AFF3: variants seen among roughly 807,000 people sequenced by gnomAD.
AFF3 encodes the protein ALF transcription elongation factor 3, also known as AF4/FMR2 family member 3.
Under a neutral mutation model 129.7 loss-of-function variants are expected in AFF3, and 32 were observed. The observed-to-expected ratio is 0.25, with a 90% CI of 0.19 to 0.33. The LOEUF (loss-of-function observed/expected upper bound fraction) is 0.33. Among genes scored for constraint, AFF3 ranks in the 10% least tolerant of loss-of-function variants. The pLI, the probability that AFF3 is intolerant of heterozygous loss-of-function variation, is 1.00. For synonymous variants in AFF3, 644 were observed against 635.4 expected (o/e 1.01, Z -0.20); for missense variants, 1,373 against 1,592.0 (o/e 0.86, Z 2.34).
intron 8 of AFF3, among the ~76,000 whole-genome samples, chr2:99,812,503 C>T (rs1686870363): frequency 6.6e-6 from 1 of 152,206 alleles, no homozygotes; most frequent in South Asian, 2.1e-4. Context: ...ACGTACACGG[C>T]ATCGTCCATG....
In AFF3 at chr2:100,007,165, T is replaced by C; in HGVS notation, c.470A>G (p.Asp157Gly). 6.2e-7 allele frequency: 1 copy of C among 1,614,178 alleles called. No homozygotes were observed. Among genetic ancestry groups the C allele is most frequent in the South Asian group, 1.1e-5 (1 of 91,076 alleles). ...GTGCTTACTTGCTCTCTGTTGGCCG[T>C]CAGAGGGTGGGTGCCCAGCCTTCTG... is the stretch of plus-strand genomic sequence containing the variant. The part of the protein sequence containing the change: ...GWQKAGHPPS[D>G]GQQRATQQGS... The change falls in exon 6 of 25, where the codon GAC (aspartate) becomes GGC (glycine). Residue 157 changes from aspartate to glycine, a missense_variant. Physicochemically the swap from Asp to Gly is moderately conservative, Grantham distance 94. Around this residue, in one of 9 missense-constraint regions of AFF3, gnomAD observed 255 missense variants for 256.0 expected, o/e 1.00. Coordinates refer to ENST00000672756, the MANE Select transcript of AFF3 (RefSeq NM_001386135.1).
At chr2:99,867,956 C>G (rs369171425) in intron 7 of AFF3, among the ~76,000 whole-genome samples, 2 of 151,686 alleles carry the variant, frequency 1.3e-5, no homozygotes, top group African/African-American at 4.8e-5. Context: ...GAGAGATTAG[C>G]GTTCCCCCAC....
chr2:100,007,635 C>T, intron 5 of AFF3, 175 bp from the exon 6 acceptor site: 1 of 648,578 alleles, frequency 1.5e-6, no homozygotes, highest in Non-Finnish European at 2.6e-6. Context: ...CTTGGTGATG[C>T]ACCAGAACAG....
intron 7 of AFF3, among the ~76,000 whole-genome samples, chr2:99,922,383 A>C (rs910446460): frequency 6.6e-6 from 1 of 152,254 alleles, no homozygotes; most frequent in African/African-American, 2.4e-5. Flanking sequence ...ACTATTCAGC[A>C]ATGAAAAAAA....
At chr2:99,820,692 C>T (rs1338223384) in intron 8 of AFF3, among the ~76,000 whole-genome samples, 2 of 145,358 alleles carry the variant, frequency 1.4e-5, no homozygotes, top group Admixed American at 7.0e-5. Context: ...ACACATTGTA[C>T]AACACATTGT....
chr2:99,876,814 T>G (rs1451376946), intron 7 of AFF3, among the ~76,000 whole-genome samples: 1 of 152,140 alleles, frequency 6.6e-6, no homozygotes, highest in Non-Finnish European at 1.5e-5. Flanking sequence ...ATATAAAGAC[T>G]TCTCCTACCC....
intron 11 of AFF3, among the ~76,000 whole-genome samples, chr2:99,700,853 A>T (rs56041746): frequency 0.076 from 11,530 of 152,256 alleles, 497 homozygotes; most frequent in East Asian, 0.11. Flanking sequence ...GGCCAAAGAC[A>T]ATGTCTGTCT....
chr2:99,578,465 A>G lies in AFF3; in HGVS notation c.2794-14T>C. The G allele has an allele frequency of 6.2e-7, 1 of 1,607,532 alleles. No homozygotes were observed. The highest frequency in any genetic ancestry group is 8.5e-7 in the Non-Finnish European group (1 of 1,177,538). On this transcript the variant is annotated splice_polypyrimidine_tract_variant and intron_variant, in intron 17 of 24. Coordinates refer to ENST00000672756, the MANE Select transcript of AFF3 (RefSeq NM_001386135.1). ...GTGAGCTGCTTTCTAAACAACAAAC[A>G]ACACACATCTTTGAGAAATTGGCCA... is the stretch of plus-strand genomic sequence containing the variant.
chr2:99,992,702 T>G (rs922718489), intron 7 of AFF3, among the ~76,000 whole-genome samples: 1 of 152,224 alleles, frequency 6.6e-6, no homozygotes, highest in Non-Finnish European at 1.5e-5. Flanking sequence ...TATTAGATCT[T>G]GGGCTCAGGT....
At chr2:99,686,390 A>G (rs1024570787) in intron 11 of AFF3, among the ~76,000 whole-genome samples, 4 of 152,202 alleles carry the variant, frequency 2.6e-5, no homozygotes, top group African/African-American at 9.6e-5. Flanking sequence ...CTCCCTCTCC[A>G]GGACTCATAC....
intron 17 of AFF3, among the ~76,000 whole-genome samples, chr2:99,582,046 G>A (rs1677614997): frequency 6.6e-6 from 1 of 151,922 alleles, no homozygotes; most frequent in African/African-American, 2.4e-5. Context: ...GTATAGATGG[G>A]GTTTCACCAT....
intron 4 of AFF3, among the ~76,000 whole-genome samples, chr2:100,038,611 T>A (rs1685168955): frequency 6.6e-6 from 1 of 152,162 alleles, no homozygotes; most frequent in African/African-American, 2.4e-5. Flanking sequence ...CCCCATGATG[T>A]TACCTGTGAC....
chr2:99,922,199 T>C (rs1695904543), intron 7 of AFF3, among the ~76,000 whole-genome samples: 1 of 152,212 alleles, frequency 6.6e-6, no homozygotes, highest in Non-Finnish European at 1.5e-5. Flanking sequence ...ATCTACTCCA[T>C]AACCCAGCAC....
chr2:99,753,638 GT>G (rs1399606383), intron 8 of AFF3, among the ~76,000 whole-genome samples: 2 of 152,116 alleles, frequency 1.3e-5, no homozygotes, highest in Non-Finnish European at 2.9e-5. Flanking sequence ...ACCTCAGATA[GT>G]GCAGAACCCA....
chr2:99,950,582 AT>A (rs1676058615), intron 7 of AFF3, among the ~76,000 whole-genome samples: 1 of 152,082 alleles, frequency 6.6e-6, no homozygotes, highest in Admixed American at 6.5e-5. Context: ...ATTTAGAGGG[AT>A]TTTTCTTCTC....
rs149301991 is a variant in AFF3 at position 99,730,049 on chromosome 2, A to G, written c.1040-2921T>C. Among the ~76,000 whole-genome samples, 689 of 152,290 alleles carry G rather than the reference A, an allele frequency of 4.5e-3. 4 individuals are homozygous for G. The highest frequency in any genetic ancestry group is 0.016 in the African/African-American group (651 of 41,538). On this transcript the variant is annotated intron_variant, in intron 10 of 24. Coordinates refer to ENST00000672756, the MANE Select transcript of AFF3 (RefSeq NM_001386135.1). ...ATGTAAAATCTATGTATCTATGTGT[A>G]TTATACACTTTCAATTTGACAGTCC...
intron 9 of AFF3, among the ~76,000 whole-genome samples, chr2:99,751,671 T>C (rs147212599): frequency 2.3e-3 from 345 of 152,314 alleles, no homozygotes; most frequent in African/African-American, 7.7e-3. Flanking sequence ...GTGTCAGTTA[T>C]TCAAATCAAA....
chr2:99,681,662 C>T (rs895672587), intron 11 of AFF3, among the ~76,000 whole-genome samples: 1 of 152,192 alleles, frequency 6.6e-6, no homozygotes, highest in Non-Finnish European at 1.5e-5. Flanking sequence ...GGACCCAGCT[C>T]GTAGGTGCTG....
At position 99,625,476 on chromosome 2, in the gene AFF3, C is replaced by T. The variant is rs572763824; in HGVS notation, c.1185-23855G>A. 1.1e-4 allele frequency among the ~76,000 whole-genome samples: 16 copies of T among 152,182 alleles called. 1 individual carries two copies. The highest frequency in any genetic ancestry group is 2.6e-4 in the Admixed American group (4 of 15,286). ...TGTCTGGTGCTGAGCACAGAGAGGGCCTTTCTTGGAGGGGTTGTGTATGGA... is the reference window on the plus strand; with the variant it reads ...TGTCTGGTGCTGAGCACAGAGAGGGTCTTTCTTGGAGGGGTTGTGTATGGA... On this transcript the variant is annotated intron_variant, in intron 13 of 24. Transcript: ENST00000672756.
Sources: allele counts gnomAD v4.1 joint callset (sites outside exome capture counted in the v4.1 genomes callset), GRCh38; gene constraint gnomAD v4.1.1; regional missense constraint gnomAD v4.1.1; transcripts MANE v1.5; gene names NCBI Gene and HGNC (gene_info 2026-07-23, HGNC 2026-07-21).